Variants in MDGA2 observed in about 807,000 individuals in gnomAD.
MDGA2 encodes MAM domain containing glycosylphosphatidylinositol anchor 2, also known as MAM domain-containing glycosylphosphatidylinositol anchor protein 2.
MDGA2 carries 40 observed loss-of-function variants against 117.8 expected under a neutral mutation model. The ratio of observed to expected loss-of-function variants is 0.34; its 90% CI spans 0.26 to 0.44. The LOEUF (loss-of-function observed/expected upper bound fraction) is 0.44, where lower values mean the gene tolerates loss of function less well. Ranked by LOEUF, MDGA2 falls within the 20% of genes least tolerant of loss-of-function variation. MDGA2 has a pLI of 1.00. For missense variants in MDGA2, 1,123 were observed against 1,250.6 expected (o/e 0.90, Z 1.54); for synonymous variants, 452 against 439.0 (o/e 1.03, Z -0.37).
chr14:47,526,823 T>C (rs1894982596), intron 1 of MDGA2, among the ~76,000 whole-genome samples: 1 of 152,208 alleles, frequency 6.6e-6, no homozygotes, highest in Non-Finnish European at 1.5e-5. Flanking sequence ...CCTCAGGCTC[T>C]CTTCTCTTTG....
chr14:47,157,374 A>G (rs934358632), intron 3 of MDGA2, among the ~76,000 whole-genome samples: 1 of 152,156 alleles, frequency 6.6e-6, no homozygotes, highest in Admixed American at 6.5e-5. Flanking sequence ...TGCATCTTCA[A>G]TAAGTTTTTT....
chr14:47,419,346 G>GA (rs1892533013), intron 1 of MDGA2, among the ~76,000 whole-genome samples: 1 of 151,924 alleles, frequency 6.6e-6, no homozygotes, highest in East Asian at 1.9e-4. Flanking sequence ...TTTAGTTATT[G>GA]AAATACCTAA....
At chr14:47,635,587 C>A (rs969526804) in intron 1 of MDGA2, among the ~76,000 whole-genome samples, 1 of 152,132 alleles carries the variant, frequency 6.6e-6, no homozygotes, top group Non-Finnish European at 1.5e-5. Context: ...ATTAAATGTA[C>A]TTTGATGCCA....
chr14:47,173,728 G>T (rs1317804030), intron 3 of MDGA2, among the ~76,000 whole-genome samples: 2 of 152,156 alleles, frequency 1.3e-5, no homozygotes, highest in African/African-American at 4.8e-5. Flanking sequence ...AGACTAGGAA[G>T]AAACTGCATC....
At chr14:47,153,138 T>C (rs527286379) in intron 3 of MDGA2, among the ~76,000 whole-genome samples, 18 of 152,352 alleles carry the variant, frequency 1.2e-4, no homozygotes, top group African/African-American at 2.6e-4. Context: ...TCCATTACTT[T>C]TTTAGCCAGG....
chr14:47,341,038 A>G (rs552360100), intron 1 of MDGA2, among the ~76,000 whole-genome samples: 1 of 152,262 alleles, frequency 6.6e-6, no homozygotes, highest in East Asian at 1.9e-4. Context: ...ATTCTGAATG[A>G]AGGCCTTATC....
chr14:46,895,734 A>G (rs187047074), intron 10 of MDGA2, among the ~76,000 whole-genome samples: 1,698 of 149,600 alleles, frequency 0.011, 42 homozygotes, highest in African/African-American at 0.039. Context: ...CTCAAAAAGA[A>G]AAAAAAAAAA....
rs114543925 is a variant in MDGA2, at chr14:47,246,683, C to T, written c.421-28488G>A. 2.4e-3 allele frequency among the ~76,000 whole-genome samples: 369 copies of T among 151,592 alleles called. 3 individuals are homozygous for T. The highest frequency in any genetic ancestry group is 8.6e-3 in the African/African-American group (356 of 41,416). Reference sequence around the variant, plus strand: ...AACAAACTGCAAAAACCAAATGACTCCTCCCTTTATTTTTTAAATAAAAGA... The same window carrying T: ...AACAAACTGCAAAAACCAAATGACTTCTCCCTTTATTTTTTAAATAAAAGA... On this transcript the variant is annotated intron_variant, in intron 2 of 16. Coordinates refer to ENST00000399232, the MANE Select transcript of MDGA2 (RefSeq NM_001113498.3).
intron 8 of MDGA2, among the ~76,000 whole-genome samples, chr14:47,003,607 TC>T (rs1432031222): frequency 1.3e-5 from 2 of 152,086 alleles, no homozygotes; most frequent in Non-Finnish European, 2.9e-5. Flanking sequence ...CATCCATATA[TC>T]TTCTCTGATG....
At chr14:47,422,952 C>T (rs533982090) in intron 1 of MDGA2, among the ~76,000 whole-genome samples, 12 of 152,206 alleles carry the variant, frequency 7.9e-5, no homozygotes, top group South Asian at 2.1e-4. Context: ...GATATTCAGA[C>T]GACAGATTTT....
chr14:47,415,884 C>A (rs149487645), intron 1 of MDGA2, among the ~76,000 whole-genome samples: 2 of 152,002 alleles, frequency 1.3e-5, no homozygotes, highest in Middle Eastern at 3.2e-3. Context: ...GGTGCTAATG[C>A]GAATCATGAG....
At chr14:47,561,141 G>GTTTGTTTTTTTTTTTT (rs1555332241) in intron 1 of MDGA2, among the ~76,000 whole-genome samples, 5 of 52,154 alleles carry the variant, frequency 9.6e-5, no homozygotes, top group African/African-American at 2.2e-4. Context: ...CTCTATCTTT[G>GTTTGTTTTTTTTTTTT]TTTTTTTTTT....
chr14:47,623,520 T>C lies in MDGA2; in HGVS notation c.280+50997A>G, dbSNP rs145255365. On this transcript the variant is annotated intron_variant, in intron 1 of 16. Coordinates refer to ENST00000399232, the MANE Select transcript of MDGA2 (RefSeq NM_001113498.3). ...ATCATCAGGATATATTAAATACTTCTCTCTGTGAACCAGCAGAGGCAGGCA... is the reference window on the plus strand; with the variant it reads ...ATCATCAGGATATATTAAATACTTCCCTCTGTGAACCAGCAGAGGCAGGCA... Among the ~76,000 whole-genome samples the C allele has an allele frequency of 2.0e-5, 3 of 152,320 alleles. No homozygotes were observed. In the East Asian group the frequency reaches 5.8e-4, roughly 29 times the overall value.
At chr14:47,641,831 A>G (rs1234096180) in intron 1 of MDGA2, among the ~76,000 whole-genome samples, 1 of 152,150 alleles carries the variant, frequency 6.6e-6, no homozygotes, top group Non-Finnish European at 1.5e-5. Context: ...TCAGAAGTGT[A>G]TTAATTTATT....
In MDGA2 at chr14:47,119,706, G is replaced by T. The variant is rs542166100; in HGVS notation, c.925+12008C>A. On this transcript the variant is annotated intron_variant, in intron 5 of 16. Transcript: ENST00000399232. Reference sequence around the variant, plus strand: ...AAAGTATTCCTGATCAAGGGAATTAGAAAGACATATTAAGAATAGAAAGAA... The same window carrying T: ...AAAGTATTCCTGATCAAGGGAATTATAAAGACATATTAAGAATAGAAAGAA... Among the ~76,000 whole-genome samples the T allele has an allele frequency of 3.9e-5, 6 of 152,264 alleles. 1 individual carries two copies. In the South Asian group the frequency reaches 1.2e-3, roughly 32 times the overall value.
chr14:46,946,704 A>G (rs374134203), intron 9 of MDGA2, among the ~76,000 whole-genome samples: 1 of 152,104 alleles, frequency 6.6e-6, no homozygotes, highest in Non-Finnish European at 1.5e-5. Context: ...ACTTGTAGAA[A>G]AAGAAAGAGC....
intron 1 of MDGA2, among the ~76,000 whole-genome samples, chr14:47,517,006 C>A (rs1203617988): frequency 4.6e-5 from 7 of 151,950 alleles, no homozygotes; most frequent in South Asian, 4.2e-4. Context: ...ATTAGAGAAA[C>A]AGAAGAAACA....
chr14:46,855,933 C>G lies in MDGA2; in HGVS notation c.2753-779G>C, dbSNP rs1380063217. 1.3e-5 allele frequency among the ~76,000 whole-genome samples: 2 copies of G among 151,988 alleles called. No individual in the cohort carries two copies. The highest frequency in any genetic ancestry group is 2.9e-5 in the Non-Finnish European group (2 of 67,976). On this transcript the variant is annotated intron_variant, in intron 14 of 16. Transcript: ENST00000399232. The surrounding 1 kb of genome is among the most constrained non-coding windows in gnomAD (Gnocchi z 4.1). ...TTATTGGAAAATAAAATGAAGATAGCTTTTATCTCATTATTTGATATCTCT... is the reference window on the plus strand; with the variant it reads ...TTATTGGAAAATAAAATGAAGATAGGTTTTATCTCATTATTTGATATCTCT...
chr14:47,439,724 T>A (rs902956201), intron 1 of MDGA2, among the ~76,000 whole-genome samples: 6 of 151,994 alleles, frequency 3.9e-5, no homozygotes, highest in Non-Finnish European at 8.8e-5. Context: ...TGTCTGTATG[T>A]ATAGTCTAAA....
Sources: gnomAD v4.1 joint callset for allele counts (sites outside exome capture counted in the v4.1 genomes callset) on GRCh38, gnomAD v4.1.1 for gene constraint, Gnocchi (gnomAD v3.1) non-coding constraint, MANE v1.5 for transcripts, NCBI Gene and HGNC (gene_info 2026-07-23, HGNC 2026-07-21) for gene names.